MYO5B: variants seen among roughly 807,000 people sequenced by gnomAD.
MYO5B encodes the protein myosin VB.
In MYO5B, 143 loss-of-function variants were observed where a neutral mutation model predicts 229.3. That is an observed-to-expected ratio of 0.62 (90% CI 0.54 to 0.72). The LOEUF is 0.72. Among genes scored for constraint, MYO5B ranks in the 30% least tolerant of loss-of-function variants. The pLI is 0.00. For missense variants in MYO5B, 2,321 were observed against 2,331.0 expected (o/e 1.00, Z 0.09); for synonymous variants, 918 against 885.2 (o/e 1.04, Z -0.66).
chr18:49,832,805 G>A (rs1010282119), intron 39 of MYO5B, among the ~76,000 whole-genome samples: 2 of 152,314 alleles, frequency 1.3e-5, no homozygotes, highest in South Asian at 2.1e-4. Flanking sequence ...TTAAAGGAGA[G>A]AAAGGTATTT....
At chr18:49,956,621 G>A (rs2025495037) in intron 12 of MYO5B, among the ~76,000 whole-genome samples, 2 of 152,248 alleles carry the variant, frequency 1.3e-5, no homozygotes, top group African/African-American at 2.4e-5. Context: ...CATGGATATC[G>A]GTAGCTCCAT....
chr18:50,177,415 AC>A (rs1216023021), intron 1 of MYO5B, among the ~76,000 whole-genome samples: 1 of 152,000 alleles, frequency 6.6e-6, no homozygotes, highest in Non-Finnish European at 1.5e-5. Context: ...GTTTTTATAT[AC>A]TCCCGTCTTT....
chr18:50,008,432 G>C (rs2026126484), intron 4 of MYO5B, among the ~76,000 whole-genome samples: 1 of 152,196 alleles, frequency 6.6e-6, no homozygotes, highest in African/African-American at 2.4e-5. Context: ...TACCGGCTGA[G>C]CACACCATCT....
At position 50,148,882 on chromosome 18, in the gene MYO5B, G is replaced by A. The variant is rs564308724; in HGVS notation, c.27+45885C>T. The stretch of plus-strand genomic sequence containing the variant: ...TAAAGGGTATTCAATTAGGAAAAGA[G>A]GAAGTCAAATTGTCCCTGTTTGCAG... On this transcript the variant is annotated intron_variant, in intron 1 of 39. Coordinates refer to ENST00000285039, the MANE Select transcript of MYO5B (RefSeq NM_001080467.3). Among the ~76,000 whole-genome samples the A allele has an allele frequency of 3.7e-4, 56 of 152,322 alleles. No homozygotes were observed. In the East Asian group the frequency reaches 0.01, roughly 27 times the overall value.
intron 1 of MYO5B, among the ~76,000 whole-genome samples, chr18:50,079,682 C>A (rs1051321843): frequency 6.6e-6 from 1 of 151,908 alleles, no homozygotes; most frequent in Non-Finnish European, 1.5e-5. Flanking sequence ...GGAAGAAGCC[C>A]AGGTCTCAAG....
At chr18:50,169,156 A>C (rs2144331209) in intron 1 of MYO5B, among the ~76,000 whole-genome samples, 1 of 125,694 alleles carries the variant, frequency 8.0e-6, no homozygotes, top group South Asian at 2.8e-4. Flanking sequence ...AATAAAACTA[A>C]AAAAAAGCTA....
chr18:50,037,235 A>C (rs1238572584), intron 3 of MYO5B, among the ~76,000 whole-genome samples: 1 of 122,336 alleles, frequency 8.2e-6, no homozygotes, highest in Non-Finnish European at 1.7e-5. Flanking sequence ...ACACACACAC[A>C]CTCACTCACA....
At position 49,853,519 on chromosome 18, in the gene MYO5B, A is replaced by G. The variant is rs2024226320; in HGVS notation, c.4151T>C (p.Leu1384Pro). The change falls in exon 31 of 40, where the codon CTG (leucine) becomes CCG (proline). Residue 1384 changes from leucine to proline, a missense_variant. Physicochemically the swap from Leu to Pro is moderately conservative, Grantham distance 98. Around this residue, in one of 2 missense-constraint regions of MYO5B, gnomAD observed 2,113 missense variants for 2,044.7 expected, o/e 1.03. Coordinates refer to ENST00000285039, the MANE Select transcript of MYO5B (RefSeq NM_001080467.3). ...TTCCACCTGGGCCTCTGGGGAGAGCAGTAGCGTCTGGCAGAAGGTCTGCTG... is the reference window on the plus strand; with the variant it reads ...TTCCACCTGGGCCTCTGGGGAGAGCGGTAGCGTCTGGCAGAAGGTCTGCTG... ...KQQQTFCQTL[L>P]LSPEAQVEFG... The G allele has an allele frequency of 1.9e-6, 3 of 1,614,150 alleles. No homozygotes were observed. In the East Asian group the frequency reaches 6.7e-5, roughly 36 times the overall value.
Position 49,847,156 on chromosome 18 carries a change from G to C in MYO5B, c.4449C>G (p.Asn1483Lys). The C allele has an allele frequency of 6.2e-7, 1 of 1,614,116 alleles. No homozygotes were observed. The highest frequency in any genetic ancestry group is 8.5e-7 in the Non-Finnish European group (1 of 1,180,038). ...HKEDEALLIR[N>K]LVTDLKPQML... ...ACAGAGGGTCCTTACCTGTCACCAG[G>C]TTCCGGATGAGGAGGGCCTCGTCCT... is the stretch of plus-strand genomic sequence containing the variant. Residue 1483 changes from asparagine (N) to lysine (K), a missense_variant, in exon 33 of 40, where the codon AAC becomes AAG. Transcript: ENST00000285039.
chr18:50,065,244 T>A (rs962620152), intron 1 of MYO5B, among the ~76,000 whole-genome samples: 1 of 152,146 alleles, frequency 6.6e-6, no homozygotes, highest in Non-Finnish European at 1.5e-5. Flanking sequence ...CTACAAGTAT[T>A]TACTGAAGAC....
chr18:50,158,435 T>G lies in MYO5B; in HGVS notation c.27+36332A>C, dbSNP rs575088426. Among the ~76,000 whole-genome samples the G allele has an allele frequency of 3.3e-5, 5 of 152,320 alleles. No individual in the cohort carries two copies. In the East Asian group the frequency reaches 5.8e-4, roughly 18 times the overall value. On this transcript the variant is annotated intron_variant, in intron 1 of 39. Transcript: ENST00000285039. Reference sequence around the variant, plus strand: ...ATATCTGGACTTTTCATCTACATTTTTACCTTCTTGGAAGCGCCATTTCTG... The same window carrying G: ...ATATCTGGACTTTTCATCTACATTTGTACCTTCTTGGAAGCGCCATTTCTG...
At chr18:49,834,130 C>T (rs951758804) in intron 39 of MYO5B, among the ~76,000 whole-genome samples, 77 of 152,160 alleles carry the variant, frequency 5.1e-4, no homozygotes, top group African/African-American at 1.8e-3. Context: ...CTCTCTAAAT[C>T]TCTGGATCTA....
chr18:49,892,878 C>A (rs79333394), intron 22 of MYO5B, among the ~76,000 whole-genome samples: 1,717 of 152,044 alleles, frequency 0.011, 19 homozygotes, highest in Non-Finnish European at 0.019. Context: ...AGGGAAGGGG[C>A]TTTTGCACTA....
intron 1 of MYO5B, among the ~76,000 whole-genome samples, chr18:50,077,168 T>TAAAAAAAAAGAAAAAAAAAAA (rs2031100316): frequency 1.2e-5 from 1 of 81,232 alleles, no homozygotes; most frequent in Non-Finnish European, 2.3e-5. Flanking sequence ...TGTGGCAAAG[T>TAAAAAAAAAGAAAAAAAAAAA]AAAAAAAAAA....
chr18:50,058,140 T>A (rs1008436455), intron 1 of MYO5B, among the ~76,000 whole-genome samples: 6 of 152,244 alleles, frequency 3.9e-5, no homozygotes, highest in Admixed American at 3.9e-4. Flanking sequence ...CATTCATTGA[T>A]GTATTATCTA....
chr18:49,943,680 T>C (rs1313813863), intron 14 of MYO5B, among the ~76,000 whole-genome samples: 2 of 152,222 alleles, frequency 1.3e-5, no homozygotes, highest in Non-Finnish European at 2.9e-5. Flanking sequence ...AATGTTGTGC[T>C]AGGAACTGGT....
intron 39 of MYO5B, among the ~76,000 whole-genome samples, chr18:49,830,725 A>G (rs1015489374): frequency 6.7e-6 from 1 of 149,972 alleles, no homozygotes; most frequent in Non-Finnish European, 1.5e-5. Context: ...GTGCATGCCT[A>G]TATTCCCTGA....
chr18:50,135,964 T>C (rs971913088), intron 1 of MYO5B, among the ~76,000 whole-genome samples: 16 of 152,156 alleles, frequency 1.1e-4, no homozygotes, highest in Admixed American at 5.9e-4. Context: ...AGACAGAGAG[T>C]GTTCGTTATC....
chr18:50,072,030 A>T (rs1029753358), intron 1 of MYO5B, among the ~76,000 whole-genome samples: 2 of 152,156 alleles, frequency 1.3e-5, no homozygotes, highest in Admixed American at 1.3e-4. Flanking sequence ...GGGAAATAGG[A>T]GCTAGAAGTC....
Sources: gnomAD v4.1 joint callset for allele counts (sites outside exome capture counted in the v4.1 genomes callset) on GRCh38, gnomAD v4.1.1 for gene constraint, gnomAD v4.1.1 regional missense constraint, MANE v1.5 for transcripts, NCBI Gene and HGNC (gene_info 2026-07-23, HGNC 2026-07-21) for gene names.